IFT140: variants seen among roughly 807,000 people sequenced by gnomAD.
The protein encoded by IFT140 is intraflagellar transport protein 140 homolog.
Under a neutral mutation model 164.6 loss-of-function variants are expected in IFT140, and 133 were observed. The ratio of observed to expected loss-of-function variants is 0.81; its 90% CI spans 0.70 to 0.93. The LOEUF (loss-of-function observed/expected upper bound fraction) is 0.93, where lower values mean the gene tolerates loss of function less well. Among genes scored for constraint, IFT140 ranks in the 40% least tolerant of loss-of-function variants. IFT140 has a pLI of 0.00. For synonymous variants in IFT140, 860 were observed against 817.3 expected (o/e 1.05, Z -0.89); for missense variants, 2,045 against 1,972.3 (o/e 1.04, Z -0.70).
At position 1,568,350 on chromosome 16, in the gene IFT140, G is replaced by C; in HGVS notation, c.1653-16C>G. 6.2e-7 allele frequency: 1 copy of C among 1,601,328 alleles called. No individual in the cohort carries two copies. The highest frequency in any genetic ancestry group is 8.6e-7 in the Non-Finnish European group (1 of 1,169,396). ...TTTGGCCTCTCTGCAGGGAGGAAGA[G>C]GGACCTCAGTGCCCGCCAGAGGCCC... is the stretch of plus-strand genomic sequence containing the variant. On this transcript the variant is annotated splice_polypyrimidine_tract_variant and intron_variant, in intron 14 of 30. Coordinates refer to ENST00000426508, the MANE Select transcript of IFT140 (RefSeq NM_014714.4).
intron 4 of IFT140, 156 bp downstream of exon 4, chr16:1,602,214 C>A: frequency 1.4e-6 from 1 of 704,854 alleles, no homozygotes; most frequent in Non-Finnish European, 2.4e-6. Context: ...AATTTTCAAG[C>A]CTTGCTTCCA....
chr16:1,510,835 A>C lies in IFT140; in HGVS notation c.*109T>G. On this transcript the variant is annotated 3_prime_UTR_variant, in exon 31 of 31. Coordinates refer to ENST00000426508, the MANE Select transcript of IFT140 (RefSeq NM_014714.4). The stretch of plus-strand genomic sequence containing the variant: ...TCGCCCAGCTCTGTCGCGTATTCCA[A>C]CACAGACATGTTTTTTCCCAGCAAA... 2.9e-6 allele frequency: 3 copies of C among 1,047,606 alleles called. No individual in the cohort carries two copies. The highest frequency in any genetic ancestry group is 4.3e-6 in the Non-Finnish European group (3 of 699,660). The allele number at this position is 1,047,606 out of a possible 1,614,324, so 64.9% of individuals were successfully genotyped here. A position where few individuals can be genotyped will look rare whatever the true frequency, so the allele number is the denominator to read the frequency against.
Position 1,568,242 on chromosome 16 carries a change from C to T in IFT140, c.1745G>A (p.Ser582Asn). The stretch of plus-strand genomic sequence containing the variant: ...CTTGCTGGGGAGGATGCTGATGGTG[C>T]TCCCGCTGCTGCTGCACCGCAGAGA... ...IASLRCSSSG[S>N]TISILPSKAD... is the part of the protein sequence containing the mutation. The change falls in exon 15 of 31, where the codon AGC (serine) becomes AAC (asparagine). Residue 582 changes from serine to asparagine, a missense_variant. Physicochemically the swap from Ser to Asn is conservative, Grantham distance 46. Coordinates refer to ENST00000426508, the MANE Select transcript of IFT140 (RefSeq NM_014714.4). The T allele has an allele frequency of 2.5e-6, 4 of 1,608,066 alleles. No individual in the cohort carries two copies. The highest frequency in any genetic ancestry group is 3.4e-6 in the Non-Finnish European group (4 of 1,177,754).
At position 1,592,301 on chromosome 16, in the gene IFT140, G is replaced by C. The variant is rs1567413724; in HGVS notation, c.509C>G (p.Ala170Gly). 1 of 1,614,118 alleles carries C rather than the reference G, an allele frequency of 6.2e-7. No homozygotes were observed. Among genetic ancestry groups the C allele is most frequent in the East Asian group, 2.2e-5 (1 of 44,880 alleles). ...CTCATCACCGCTCACAGCTGCCTTT[G>C]CCAACTGAACCAGGTCCCTGAAAGC... is the stretch of plus-strand genomic sequence containing the variant. The part of the protein sequence containing the change: ...PPPGEDLVQL[A>G]KAAVSGDEKA... Residue 170 changes from alanine to glycine, a missense_variant, in exon 6 of 31, where the codon GCA becomes GGA. Physicochemically the swap from Ala to Gly is moderately conservative, Grantham distance 60. Coordinates refer to ENST00000426508, the MANE Select transcript of IFT140 (RefSeq NM_014714.4).
intron 3 of IFT140, among the ~76,000 whole-genome samples, chr16:1,606,526 T>A (rs2142090414): frequency 6.6e-6 from 1 of 152,356 alleles, no homozygotes; most frequent in African/African-American, 2.4e-5. Context: ...AATGGCGTGA[T>A]CGCCGCTCAC....
rs767836990 is a variant in IFT140 at position 1,520,589 on chromosome 16, G to A, written c.3660+13C>T. The A allele has an allele frequency of 5.9e-5, 92 of 1,561,124 alleles. No homozygotes were observed. The highest frequency in any genetic ancestry group is 1.4e-4 in the South Asian group (12 of 86,106). On this transcript the variant is annotated intron_variant, in intron 27 of 30. Coordinates refer to ENST00000426508, the MANE Select transcript of IFT140 (RefSeq NM_014714.4). ...TGTGAGGTAGCCGCGGGCTGGGGCC[G>A]GGAGAGGCTCACCTTCAGCTTGTTG...
At chr16:1,606,395 C>A (rs114865978) in intron 3 of IFT140, among the ~76,000 whole-genome samples, 562 of 152,330 alleles carry the variant, frequency 3.7e-3, no homozygotes, top group African/African-American at 0.013. Context: ...AAAGAACTGC[C>A]CACATACTAG....
chr16:1,520,693 T>A lies in IFT140; in HGVS notation c.3569A>T (p.Glu1190Val). 9.3e-6 allele frequency: 15 copies of A among 1,609,754 alleles called. No individual in the cohort carries two copies. The highest frequency in any genetic ancestry group is 1.3e-5 in the Non-Finnish European group (15 of 1,178,632). The change falls in exon 27 of 31, where the codon GAG becomes GTG. Residue 1190 changes from glutamate to valine, a missense_variant. By Grantham distance (121) the Glu-to-Val change is moderately radical (BLOSUM62 -2). Transcript: ENST00000426508. ...SSDLPEESRR[E>V]LLEQIADCCM... ...GCAGTCTGCTATCTGCTCCAGCAGC[T>A]CCCGCCGCGACTCCTCAGGCAGGTC...
rs1449291206 is a variant in IFT140, at chr16:1,607,292, T to C, written c.-26A>G. The C allele has an allele frequency of 3.8e-6, 6 of 1,596,468 alleles. No homozygotes were observed. The highest frequency in any genetic ancestry group is 5.1e-6 in the Non-Finnish European group (6 of 1,172,584). ...GACGGAACTCAGGCCTCCTCAGCGCTGAAACCTGCAGGGAAAAAAAAATGA... is the reference window on the plus strand; with the variant it reads ...GACGGAACTCAGGCCTCCTCAGCGCCGAAACCTGCAGGGAAAAAAAAATGA... On this transcript the variant is annotated 5_prime_UTR_variant, in exon 3 of 31. Transcript: ENST00000426508.
chr16:1,555,278 C>T (rs920287274), intron 19 of IFT140: 40 of 497,122 alleles, frequency 8.0e-5, no homozygotes, highest in South Asian at 1.7e-4. Context: ...CACGACCACA[C>T]GCACTTCAGG....
intron 6 of IFT140, among the ~76,000 whole-genome samples, chr16:1,591,239 A>AC (rs1211064021): frequency 6.7e-6 from 1 of 149,056 alleles, no homozygotes; most frequent in Non-Finnish European, 1.5e-5. Flanking sequence ...TCATCTCTCC[A>AC]CCCCCTTCTC....
intron 13 of IFT140, among the ~76,000 whole-genome samples, chr16:1,575,336 C>T (rs1400564945): frequency 1.3e-5 from 2 of 151,754 alleles, no homozygotes; most frequent in Non-Finnish European, 2.9e-5. Flanking sequence ...GATGGCACCA[C>T]TGCACTCTAG....
At chr16:1,540,025 G>A (rs1010747512) in intron 19 of IFT140, among the ~76,000 whole-genome samples, 3 of 152,320 alleles carry the variant, frequency 2.0e-5, no homozygotes, top group Non-Finnish European at 2.9e-5. Context: ...AGGAGGGGAC[G>A]CTGTGGAGGG....
rs776845382 is a variant in IFT140, at chr16:1,520,808, A to G, written c.3454T>C (p.Tyr1152His). 3 of 1,601,734 alleles carry G rather than the reference A, an allele frequency of 1.9e-6. No individual in the cohort carries two copies. Among genetic ancestry groups the G allele is most frequent in the Non-Finnish European group, 1.7e-6 (2 of 1,179,674 alleles). The change falls in exon 27 of 31, where the codon TAT becomes CAT. Residue 1152 changes from tyrosine to histidine, a missense_variant and splice_region_variant. Tyr to His is a moderately conservative substitution (Grantham distance 83). Coordinates refer to ENST00000426508, the MANE Select transcript of IFT140 (RefSeq NM_014714.4). ...AVELLLAARK[Y>H]QEALQLCLGQ... ...AGGCACAGCTGCAGGGCTTCCTGAT[A>G]CTGCAAAGGTGCAGAAATGGGACGG... is the stretch of plus-strand genomic sequence containing the variant.
intron 17 of IFT140, among the ~76,000 whole-genome samples, chr16:1,563,773 A>G (rs1374807587): frequency 6.6e-6 from 1 of 151,980 alleles, no homozygotes; most frequent in South Asian, 2.1e-4. Context: ...TGCTAGGAAG[A>G]TTTTTTTTAT....
rs1397668002 is a variant in IFT140, at chr16:1,584,307, G to A, written c.1269C>T (p.Ser423=). Residue 423 remains serine (S), a synonymous_variant, in exon 11 of 31, where the codon TCC becomes TCT. Coordinates refer to ENST00000426508, the MANE Select transcript of IFT140 (RefSeq NM_014714.4). ...GGAAGCACACATTCAGCAGACTCGG[G>A]GAGACCTGCATGGCGGCCACTTGCT... ...FHQQVAAMQV[S]PSLLNVCFLS... is the part of the protein sequence containing the mutation. 1 of 1,613,806 alleles carries A rather than the reference G, an allele frequency of 6.2e-7. No individual in the cohort carries two copies. The highest frequency in any genetic ancestry group is 8.5e-7 in the Non-Finnish European group (1 of 1,179,998).
In IFT140 at chr16:1,520,819, G is replaced by A; in HGVS notation, c.3454-11C>T. ...CAGGGCTTCCTGATACTGCAAAGGT[G>A]CAGAAATGGGACGGGGCTGCCGAGG... On this transcript the variant is annotated splice_polypyrimidine_tract_variant and intron_variant, in intron 26 of 30. Coordinates refer to ENST00000426508, the MANE Select transcript of IFT140 (RefSeq NM_014714.4). The A allele has an allele frequency of 6.3e-7, 1 of 1,598,872 alleles. No individual in the cohort carries two copies. The highest frequency in any genetic ancestry group is 8.5e-7 in the Non-Finnish European group (1 of 1,178,796).
At chr16:1,517,333 G>A (rs1318365974) in intron 30 of IFT140, among the ~76,000 whole-genome samples, 1 of 143,982 alleles carries the variant, frequency 6.9e-6, no homozygotes, top group Non-Finnish European at 1.5e-5. Context: ...CTGGGCAACA[G>A]AGTGAGACTC....
intron 19 of IFT140, chr16:1,554,656 GCT>G: frequency 7.2e-7 from 1 of 1,395,650 alleles, no homozygotes; most frequent in Non-Finnish European, 9.7e-7. Context: ...GCTGGAACCC[GCT>G]CTAGGACAGA....
Sources: allele counts gnomAD v4.1 joint callset (sites outside exome capture counted in the v4.1 genomes callset), GRCh38; gene constraint gnomAD v4.1.1; transcripts MANE v1.5; gene names NCBI Gene and HGNC (gene_info 2026-07-23, HGNC 2026-07-21).